Variants in EML1 observed in about 807,000 individuals in gnomAD.
EML1 encodes echinoderm microtubule-associated protein-like 1.
EML1 carries 27 observed loss-of-function variants against 110.4 expected under a neutral mutation model. The observed-to-expected ratio is 0.24, with a 90% CI of 0.18 to 0.34. The LOEUF (loss-of-function observed/expected upper bound fraction) is 0.34. Ranked by LOEUF, EML1 falls within the 10% of genes least tolerant of loss-of-function variation. The pLI, the probability that EML1 is intolerant of heterozygous loss-of-function variation, is 1.00. For synonymous variants in EML1, 344 were observed against 385.8 expected (o/e 0.89, Z 1.27); for missense variants, 741 against 1,030.9 (o/e 0.72, Z 3.85).
intron 3 of EML1, among the ~76,000 whole-genome samples, chr14:99,872,632 G>A (rs2059224581): frequency 6.6e-6 from 1 of 152,188 alleles, no homozygotes; most frequent in African/African-American, 2.4e-5. Flanking sequence ...TTCGGTGGAT[G>A]GGACTTCCCT....
intron 2 of EML1, among the ~76,000 whole-genome samples, chr14:99,857,638 G>A (rs144085174): frequency 1.1e-4 from 17 of 152,248 alleles, no homozygotes; most frequent in African/African-American, 2.9e-4. Context: ...CCATAGATTT[G>A]CCACCTTGGA....
chr14:99,763,831 G>A (rs772153743), intron 1 of EML1, among the ~76,000 whole-genome samples: 1 of 152,142 alleles, frequency 6.6e-6, no homozygotes. Flanking sequence ...GCACCGGGAG[G>A]ACCCTAATCC....
intron 1 of EML1, among the ~76,000 whole-genome samples, chr14:99,764,974 G>C (rs1355478933): frequency 6.6e-6 from 1 of 152,094 alleles, no homozygotes; most frequent in African/African-American, 2.4e-5. Context: ...GTCTTACTCT[G>C]TTGCCCAAGC....
rs187611533 is a variant in EML1 at position 99,851,046 on chromosome 14, G to C, written c.250+11G>C. 2.6e-5 allele frequency: 41 copies of C among 1,604,178 alleles called. 2 individuals are homozygous for C. The South Asian group carries it at 3.6e-4, about 14-fold the overall frequency. ...AAGGACCTACCAAAGGTGGGCGTTT[G>C]AGTGACACAGGAACTTCAGTAGAAT... On this transcript the variant is annotated intron_variant, in intron 2 of 21. Coordinates refer to ENST00000262233, the MANE Select transcript of EML1 (RefSeq NM_004434.3).
intron 1 of EML1, among the ~76,000 whole-genome samples, chr14:99,805,846 A>G (rs1595308510): frequency 2.0e-5 from 3 of 151,944 alleles, no homozygotes; most frequent in African/African-American, 4.8e-5. Context: ...CATCTTACAC[A>G]TTTTTAAGTG....
chr14:99,897,129 C>A lies in EML1; in HGVS notation c.678-16C>A. The A allele has an allele frequency of 6.6e-7, 1 of 1,513,542 alleles. No homozygotes were observed. Among genetic ancestry groups the A allele is most frequent in the Non-Finnish European group, 8.8e-7 (1 of 1,131,402 alleles). 93.8% of individuals were successfully genotyped at this position (1,513,542 alleles called of 1,614,324 possible). A position where few individuals can be genotyped will look rare whatever the true frequency, so the allele number is the denominator to read the frequency against. On this transcript the variant is annotated splice_polypyrimidine_tract_variant and intron_variant, in intron 6 of 21. Transcript: ENST00000262233. ...CTCTTAAAGGGAAAAAAAATTTTAT[C>A]TTGACATCCACAAAGCTATGGGTAC...
chr14:99,788,665 G>A (rs1454373319), upstream of EML1, among the ~76,000 whole-genome samples: 1 of 151,924 alleles, frequency 6.6e-6, no homozygotes. Context: ...GTACACACAC[G>A]ACATAAAAGT....
intron 1 of EML1, among the ~76,000 whole-genome samples, chr14:99,843,255 G>GA (rs1292040148): frequency 1.3e-5 from 2 of 151,556 alleles, no homozygotes; most frequent in Admixed American, 1.3e-4. Context: ...TATTGCTAAA[G>GA]AAAAAAAATA....
chr14:99,780,586 C>A (rs1421338087), intron 1 of EML1, among the ~76,000 whole-genome samples: 1 of 152,190 alleles, frequency 6.6e-6, no homozygotes, highest in Non-Finnish European at 1.5e-5. Context: ...TTCCTGCCAA[C>A]AAGGATGTTT....
chr14:99,802,220 T>C (rs1171158617), intron 1 of EML1, among the ~76,000 whole-genome samples: 1 of 151,822 alleles, frequency 6.6e-6, no homozygotes, highest in Admixed American at 6.6e-5. Context: ...AGGTTGCCTG[T>C]GGTGAAAGGG....
At chr14:99,740,687 C>T (rs1203015274) in intron 1 of EML1, among the ~76,000 whole-genome samples, 4 of 152,196 alleles carry the variant, frequency 2.6e-5, no homozygotes. Flanking sequence ...CAGTTGCCTG[C>T]ATTCTAGGCT....
chr14:99,746,103 T>C lies in EML1; in HGVS notation c.28+8243T>C, dbSNP rs553347387. On this transcript the variant is annotated intron_variant, in intron 1 of 10. Coordinates refer to the EML1 transcript ENST00000554479. The stretch of plus-strand genomic sequence containing the variant: ...ACACTCAGTTCCACATGACGCCCCC[T>C]TTAACCTATGTAGTCAATGTTATCA... Among the ~76,000 whole-genome samples, 7 of 152,332 alleles carry C rather than the reference T, an allele frequency of 4.6e-5. No individual in the cohort carries two copies. The South Asian group carries it at 1.4e-3, about 32-fold the overall frequency.
intron 9 of EML1, among the ~76,000 whole-genome samples, chr14:99,901,483 C>A (rs891428503): frequency 6.6e-6 from 1 of 152,164 alleles, no homozygotes; most frequent in Non-Finnish European, 1.5e-5. Context: ...AAAGTGAAAG[C>A]AAGTTTATTA....
At chr14:99,921,867 T>C (rs549549770) in intron 17 of EML1, among the ~76,000 whole-genome samples, 2 of 152,160 alleles carry the variant, frequency 1.3e-5, no homozygotes, top group South Asian at 4.1e-4. Context: ...CTTTTCATCA[T>C]CCAAAAAGTT....
intron 17 of EML1, among the ~76,000 whole-genome samples, chr14:99,928,772 G>C (rs534988403): frequency 7.4e-4 from 112 of 152,220 alleles, no homozygotes; most frequent in African/African-American, 2.3e-3. Context: ...ATCTCTTTTG[G>C]ATGTTTTTTC....
chr14:99,772,857 A>G (rs991578459), upstream of EML1: 3 of 152,216 alleles, frequency 2.0e-5, no homozygotes, highest in Admixed American at 6.5e-5. Flanking sequence ...TGTTTGACCC[A>G]TGGTGCTCTG....
At chr14:99,806,316 C>CT (rs1198890041) in intron 1 of EML1, among the ~76,000 whole-genome samples, 3,216 of 87,592 alleles carry the variant, frequency 0.037, 68 homozygotes, top group Non-Finnish European at 0.044. Flanking sequence ...TCTCCAGAAT[C>CT]TTTTTTTTTT....
At chr14:99,755,062 G>A (rs1028871281) in intron 1 of EML1, among the ~76,000 whole-genome samples, 4 of 152,272 alleles carry the variant, frequency 2.6e-5, no homozygotes, top group East Asian at 1.9e-4. Flanking sequence ...AGGCCTTTGT[G>A]TTCTTTTGGG....
chr14:99,890,234 C>T (rs1301403031), intron 4 of EML1, among the ~76,000 whole-genome samples: 3 of 152,198 alleles, frequency 2.0e-5, no homozygotes, highest in Admixed American at 1.3e-4. Context: ...CCTTGACTCC[C>T]GTTTATTTCC....
Sources: gnomAD v4.1 joint callset for allele counts (sites outside exome capture counted in the v4.1 genomes callset) on GRCh38, gnomAD v4.1.1 for gene constraint, MANE v1.5 for transcripts, NCBI Gene and HGNC (gene_info 2026-07-23, HGNC 2026-07-21) for gene names.